The following SVOP variants were observed in gnomAD, a reference collection of about 807,000 sequenced individuals.
SVOP encodes SV2 related protein, also known as synaptic vesicle 2-related protein.
Under a neutral mutation model 69.1 loss-of-function variants are expected in SVOP, and 17 were observed. The observed-to-expected ratio is 0.25, with a 90% CI of 0.17 to 0.37. The LOEUF (loss-of-function observed/expected upper bound fraction) is 0.37. SVOP is among the 10% of genes least tolerant of loss of function. The pLI, the probability that SVOP is intolerant of heterozygous loss-of-function variation, is 1.00. For missense variants in SVOP, 435 were observed against 597.5 expected, an observed-to-expected ratio of 0.73 and a Z score of 2.84; for synonymous variants, 238 against 238.6, an observed-to-expected ratio of 1.00 and a Z score of 0.02.
chr12:108,931,616 G>C (rs904031189), intron 11 of SVOP, among the ~76,000 whole-genome samples: 16 of 152,032 alleles, frequency 1.1e-4, no homozygotes, highest in Non-Finnish European at 1.9e-4. Flanking sequence ...GGTGGATCAC[G>C]AGGTCAAGAG....
Position 108,934,251 on chromosome 12 carries a change from T to C in SVOP, c.992A>G (p.Tyr331Cys). The C allele has an allele frequency of 6.2e-7, 1 of 1,605,482 alleles. No individual in the cohort carries two copies. The highest frequency in any genetic ancestry group is 8.5e-7 in the Non-Finnish European group (1 of 1,176,126). ...WFIWFSNAFS[Y>C]YGLVLLTTEL... ...TGTGGTGAGTAGAACTAACCCGTAG[T>C]AAGAGAATGCATTGGAAAACCTGCC... The change falls in exon 11 of 16, where the codon TAC (tyrosine) becomes TGC (cysteine). Residue 331 changes from tyrosine (Y) to cysteine (C), a missense_variant. Physicochemically the swap from Tyr to Cys is radical, Grantham distance 194 (BLOSUM62 -2). Coordinates refer to ENST00000610966, the MANE Select transcript of SVOP (RefSeq NM_018711.5).
chr12:109,000,959 C>T (rs1166523153), intron 1 of SVOP, among the ~76,000 whole-genome samples: 1 of 150,922 alleles, frequency 6.6e-6, no homozygotes, highest in Non-Finnish European at 1.5e-5. Flanking sequence ...CAGTTCTGGC[C>T]AGGGCAATTA....
intron 14 of SVOP, among the ~76,000 whole-genome samples, chr12:108,916,115 G>T (rs544286660): frequency 6.1e-4 from 93 of 152,296 alleles, no homozygotes; most frequent in African/African-American, 2.1e-3. Context: ...TCTGTCCTGG[G>T]GGGGGCTCCC....
Position 108,978,558 on chromosome 12 carries a change from T to C in SVOP, c.282+20A>G, listed in dbSNP as rs1340154693. 1 of 702,760 alleles carries C rather than the reference T, an allele frequency of 1.4e-6. No homozygotes were observed. Among genetic ancestry groups the C allele is most frequent in the Non-Finnish European group, 2.6e-6 (1 of 384,428 alleles). The allele number at this position is 702,760 out of a possible 1,614,324, so 43.5% of individuals were successfully genotyped here. A position where few individuals can be genotyped will look rare whatever the true frequency, so the allele number is the denominator to read the frequency against. ...GGGGGTTTCTTGGAGGCTGAGCCAC[T>C]GCCCCCCAGAAATACTTGCCCAAGC... is the stretch of plus-strand genomic sequence containing the variant. On this transcript the variant is annotated intron_variant, in intron 3 of 15. Coordinates refer to ENST00000610966, the MANE Select transcript of SVOP (RefSeq NM_018711.5).
intron 1 of SVOP, among the ~76,000 whole-genome samples, chr12:108,994,712 C>G (rs1255131521): frequency 6.6e-6 from 1 of 152,232 alleles, no homozygotes; most frequent in Non-Finnish European, 1.5e-5. Context: ...TTCAGAGTCT[C>G]CAGTCCAGCC....
intron 1 of SVOP, among the ~76,000 whole-genome samples, chr12:109,005,106 G>T (rs1055599030): frequency 1.7e-4 from 26 of 152,120 alleles, no homozygotes; most frequent in African/African-American, 6.3e-4. Flanking sequence ...CTTGAGTTCA[G>T]GCTATCAGAG....
intron 1 of SVOP, among the ~76,000 whole-genome samples, chr12:108,985,594 C>T (rs909844123): frequency 0.32 from 49,114 of 151,798 alleles, 8,393 homozygotes; most frequent in African/African-American, 0.42. Flanking sequence ...ATTGCTTGAG[C>T]CCAGGAGGTG....
At chr12:108,960,419 A>G (rs1210836823) in intron 6 of SVOP, among the ~76,000 whole-genome samples, 1 of 152,098 alleles carries the variant, frequency 6.6e-6, no homozygotes, top group Non-Finnish European at 1.5e-5. Flanking sequence ...TACAACAGCA[A>G]CAGCAAATTG....
chr12:108,947,126 A>G (rs147475346), intron 6 of SVOP, among the ~76,000 whole-genome samples: 1 of 152,208 alleles, frequency 6.6e-6, no homozygotes, highest in East Asian at 1.9e-4. Flanking sequence ...TCATTCCTTG[A>G]GGTCTTCCCT....
At chr12:108,987,204 C>A (rs937231127) in intron 1 of SVOP, among the ~76,000 whole-genome samples, 7 of 152,152 alleles carry the variant, frequency 4.6e-5, no homozygotes, top group African/African-American at 1.7e-4. Context: ...AGTAATTTTC[C>A]TTTTGTGTCT....
In SVOP at chr12:109,021,026, C is replaced by A; in HGVS notation, c.-158G>T. The A allele has an allele frequency of 3.6e-6, 2 of 555,808 alleles. No homozygotes were observed. The highest frequency in any genetic ancestry group is 6.4e-6 in the Non-Finnish European group (2 of 310,180). 34.4% of individuals were successfully genotyped at this position (555,808 alleles called of 1,614,324 possible). A position where few individuals can be genotyped will look rare whatever the true frequency, so the allele number is the denominator to read the frequency against. ...GGGGAGGGAGCCGCTGGGGACCAGC[C>A]CACGAGACAAAGCCTCCGCCGCCAG... On this transcript the variant is annotated 5_prime_UTR_variant, in exon 1 of 16. Transcript: ENST00000610966.
At position 108,932,255 on chromosome 12, in the gene SVOP, G is replaced by C. The variant is rs143143740; in HGVS notation, c.1048+1940C>G. 7.1e-3 allele frequency among the ~76,000 whole-genome samples: 1,087 copies of C among 152,130 alleles called. 17 individuals carry two copies. The highest frequency in any genetic ancestry group is 0.025 in the African/African-American group (1,020 of 41,500). On this transcript the variant is annotated intron_variant, in intron 11 of 15. Transcript: ENST00000610966. ...TGTTCTTGAACTCCTGGCCTCAAGT[G>C]ATCCTCCTGCCTCTTCCTCCCAAAC...
At chr12:108,917,046 C>T (rs2039718399) in intron 14 of SVOP, among the ~76,000 whole-genome samples, 1 of 152,218 alleles carries the variant, frequency 6.6e-6, no homozygotes, top group Non-Finnish European at 1.5e-5. Context: ...TGTGCCTGGC[C>T]TGGGCTCTTT....
intron 1 of SVOP, among the ~76,000 whole-genome samples, chr12:108,990,018 C>T (rs1402165260): frequency 6.6e-6 from 1 of 152,174 alleles, no homozygotes; most frequent in Non-Finnish European, 1.5e-5. Flanking sequence ...GCTCAGGTTA[C>T]AGCAGTTGCC....
chr12:108,928,724 A>G (rs957483269), intron 11 of SVOP, among the ~76,000 whole-genome samples: 1 of 151,826 alleles, frequency 6.6e-6, no homozygotes, highest in African/African-American at 2.4e-5. Flanking sequence ...ACGCCACCAC[A>G]CTCGGCTCAG....
chr12:108,953,290 A>C (rs2039967655), intron 6 of SVOP, among the ~76,000 whole-genome samples: 2 of 151,992 alleles, frequency 1.3e-5, no homozygotes. Context: ...CTGGGATTAC[A>C]GGCATGTGCC....
At chr12:108,937,045 A>T (rs1359907016) in intron 10 of SVOP, 6 of 544,688 alleles carry the variant, frequency 1.1e-5, no homozygotes, top group African/African-American at 1.9e-5. Flanking sequence ...CTGCACGGTG[A>T]TTAAAAGCAG....
At position 108,983,775 on chromosome 12, in the gene SVOP, C is replaced by T; in HGVS notation, c.36-14G>A. 1 of 398,782 alleles carries T rather than the reference C, an allele frequency of 2.5e-6. No individual in the cohort carries two copies. 24.7% of individuals were successfully genotyped at this position (398,782 alleles called of 1,614,324 possible). A position where few individuals can be genotyped will look rare whatever the true frequency, so the allele number is the denominator to read the frequency against. On this transcript the variant is annotated splice_polypyrimidine_tract_variant and intron_variant, in intron 1 of 15. Transcript: ENST00000610966. Reference sequence around the variant, plus strand: ...AATTTCACAACCCTAGAGAACAGAACAAATCTGGTCAAGATGGCTAAAGCT... The same window carrying T: ...AATTTCACAACCCTAGAGAACAGAATAAATCTGGTCAAGATGGCTAAAGCT...
At chr12:108,942,671 T>C (rs915189143) in intron 7 of SVOP, among the ~76,000 whole-genome samples, 6 of 152,254 alleles carry the variant, frequency 3.9e-5, no homozygotes, top group African/African-American at 1.4e-4. Context: ...TACAACTCTC[T>C]GGGCAGCTCA....
Sources: gnomAD v4.1 joint callset for allele counts (sites outside exome capture counted in the v4.1 genomes callset) on GRCh38, gnomAD v4.1.1 for gene constraint, MANE v1.5 for transcripts, NCBI Gene and HGNC (gene_info 2026-07-23, HGNC 2026-07-21) for gene names.